Variants in MICAL2 observed in about 807,000 individuals in gnomAD.
MICAL2 encodes microtubule associated monooxygenase, calponin and LIM domain containing 2.
In MICAL2, 77 loss-of-function variants were observed where a neutral mutation model predicts 127.3. The ratio of observed to expected loss-of-function variants is 0.60; its 90% confidence interval spans 0.50 to 0.73. The LOEUF is 0.73. MICAL2 is among the 30% of genes least tolerant of loss of function. The pLI is 0.00. For missense variants in MICAL2, 1,351 were observed against 1,434.4 expected (o/e 0.94, Z 0.94); for synonymous variants, 570 against 551.1 (o/e 1.03, Z -0.48).
chr11:12,146,316 T>C, intron 2 of MICAL2, among the ~76,000 whole-genome samples: 1 of 152,188 alleles, frequency 6.6e-6, no homozygotes, highest in Non-Finnish European at 1.5e-5. Context: ...AATCTACTCA[T>C]CTGACAAAGG....
intron 1 of MICAL2, among the ~76,000 whole-genome samples, chr11:12,276,899 G>A (rs923778799): frequency 2.0e-5 from 3 of 152,174 alleles, no homozygotes; most frequent in Non-Finnish European, 4.4e-5. Flanking sequence ...AAATAAAATA[G>A]ACACATATGC....
At chr11:12,195,443 A>G (rs1859771505) in intron 3 of MICAL2, among the ~76,000 whole-genome samples, 1 of 152,228 alleles carries the variant, frequency 6.6e-6, no homozygotes, top group African/African-American at 2.4e-5. Flanking sequence ...TGCTAAAGCA[A>G]GGAGAACAAA....
At chr11:12,354,531 G>T (rs895749547) in intron 33 of MICAL2, among the ~76,000 whole-genome samples, 1 of 151,708 alleles carries the variant, frequency 6.6e-6, no homozygotes, top group African/African-American at 2.4e-5. Flanking sequence ...CCAGCTACTT[G>T]GGAGGCTGAG....
chr11:12,142,091 C>CT (rs1852405946), intron 2 of MICAL2, among the ~76,000 whole-genome samples: 1 of 152,164 alleles, frequency 6.6e-6, no homozygotes, highest in South Asian at 2.1e-4. Context: ...CAGCAAGTGG[C>CT]TCTCTCTGCA....
chr11:12,294,977 G>A, downstream of MICAL2: 1 of 1,315,526 alleles, frequency 7.6e-7, no homozygotes, highest in Non-Finnish European at 9.7e-7. Context: ...ACAAAAGTAG[G>A]AAAACTTTAA....
chr11:12,267,771 T>G (rs1863626575), downstream of MICAL2, among the ~76,000 whole-genome samples: 5 of 152,028 alleles, frequency 3.3e-5, no homozygotes, highest in Admixed American at 2.6e-4. Flanking sequence ...CCAGCTAACT[T>G]TTGTATTTTT....
At chr11:12,144,887 T>C (rs1208270446) in intron 2 of MICAL2, among the ~76,000 whole-genome samples, 1 of 152,188 alleles carries the variant, frequency 6.6e-6, no homozygotes, top group Non-Finnish European at 1.5e-5. Flanking sequence ...TTTACAGACA[T>C]CTGGGGAGAA....
At chr11:12,215,850 G>T (rs1160568307) in intron 7 of MICAL2, among the ~76,000 whole-genome samples, 3 of 152,224 alleles carry the variant, frequency 2.0e-5, no homozygotes, top group African/African-American at 7.2e-5. Flanking sequence ...CAGTGGACAG[G>T]ACTTGGAGCT....
At chr11:12,231,921 T>C (rs1858335359) in intron 15 of MICAL2, among the ~76,000 whole-genome samples, 1 of 152,346 alleles carries the variant, frequency 6.6e-6, no homozygotes, top group Non-Finnish European at 1.5e-5. Context: ...AGATTGGGAA[T>C]GCAGTTAGAA....
chr11:12,287,063 C>A, intron 2 of MICAL2: 1 of 398,998 alleles, frequency 2.5e-6, no homozygotes, highest in Non-Finnish European at 4.4e-6. Flanking sequence ...ACCCCATCTT[C>A]CCTGTCCCTT....
rs917210469 is a variant in MICAL2 at position 12,330,797 on chromosome 11, G to C, written c.5515+3531G>C. On this transcript the variant is annotated intron_variant, in intron 32 of 34. Coordinates refer to the MICAL2 transcript ENST00000646065. ...GTTTTGCAGGACGTGGAGAGAGAGAGAGAGAGACAGAGAGAGAGAGAGAGG... is the reference window on the plus strand; with the variant it reads ...GTTTTGCAGGACGTGGAGAGAGAGACAGAGAGACAGAGAGAGAGAGAGAGG... Among the ~76,000 whole-genome samples, 12 of 117,918 alleles carry C rather than the reference G, an allele frequency of 1.0e-4. No homozygotes were observed. The East Asian group carries it at 1.3e-3, about 13-fold the overall frequency. 77.4% of individuals were successfully genotyped at this position (117,918 alleles called of 152,430 possible). A position where few individuals can be genotyped will look rare whatever the true frequency, so the allele number is the denominator to read the frequency against.
Position 12,243,602 on chromosome 11 carries a change from C to T in MICAL2, c.2659-385C>T, listed in dbSNP as rs187588104. Among the ~76,000 whole-genome samples the T allele has an allele frequency of 6.4e-4, 98 of 152,314 alleles. 1 individual carries two copies. The East Asian group carries it at 0.015, about 23-fold the overall frequency. The stretch of plus-strand genomic sequence containing the variant: ...CAGTTGCTTGCTGCAGCTATAGAGG[C>T]CCCTGCTGTGGCCACCTGCCCTAAA... On this transcript the variant is annotated intron_variant, in intron 20 of 27. Coordinates refer to ENST00000683283, the MANE Select transcript of MICAL2 (RefSeq NM_001282663.2).
intron 20 of MICAL2, 109 bp from the exon 21 acceptor site, chr11:12,243,878 T>C (rs758979366): frequency 5.2e-5 from 71 of 1,370,490 alleles, no homozygotes; most frequent in Admixed American, 1.4e-4. Flanking sequence ...ATGGGTCTCC[T>C]TTCTTTGCCT....
intron 26 of MICAL2, chr11:12,261,038 G>T: frequency 1.0e-6 from 1 of 985,576 alleles, no homozygotes; most frequent in Non-Finnish European, 1.2e-6. Flanking sequence ...GGATCCCCCA[G>T]CCCGGGCTGC....
chr11:12,319,166 C>T (rs901446187), intron 29 of MICAL2, among the ~76,000 whole-genome samples: 1 of 151,970 alleles, frequency 6.6e-6, no homozygotes, highest in Admixed American at 6.6e-5. Flanking sequence ...TATGACCAGA[C>T]ATTCTGACGC....
At chr11:12,221,887 G>A in intron 10 of MICAL2, 128 bp downstream of exon 10, 3 of 641,306 alleles carry the variant, frequency 4.7e-6, no homozygotes, top group South Asian at 2.0e-5. Flanking sequence ...ACCTTCCCAT[G>A]TGTGGCCTGA....
At chr11:12,213,869 A>G (rs1280618340) in intron 7 of MICAL2, among the ~76,000 whole-genome samples, 6 of 152,182 alleles carry the variant, frequency 3.9e-5, no homozygotes, top group Admixed American at 1.3e-4. Context: ...AGTTTGTGCA[A>G]TACAGCACTG....
intron 1 of MICAL2, among the ~76,000 whole-genome samples, chr11:12,112,870 C>T (rs957220193): frequency 6.6e-6 from 1 of 152,184 alleles, no homozygotes; most frequent in Admixed American, 6.5e-5. Flanking sequence ...CTGCAAGGAG[C>T]AGCCATATGA....
At chr11:12,283,470 A>G (rs192651577) in intron 2 of MICAL2, among the ~76,000 whole-genome samples, 2 of 152,350 alleles carry the variant, frequency 1.3e-5, no homozygotes, top group African/African-American at 4.8e-5. Flanking sequence ...AACGCAGTAT[A>G]TCCATACAGC....
Sources: allele counts gnomAD v4.1 joint callset (sites outside exome capture counted in the v4.1 genomes callset), GRCh38; gene constraint gnomAD v4.1.1; transcripts MANE v1.5; gene names NCBI Gene and HGNC (gene_info 2026-07-23, HGNC 2026-07-21).